The following LDB2 variants were observed in gnomAD, a reference collection of about 807,000 sequenced individuals.
The protein encoded by LDB2 is LIM domain-binding protein 2.
Under a neutral mutation model 44.3 loss-of-function variants are expected in LDB2, and 12 were observed. That is an observed-to-expected ratio of 0.27 (90% CI 0.17 to 0.44). LDB2 has a LOEUF of 0.44. LDB2 is among the 20% of genes least tolerant of loss of function. LDB2 has a pLI of 1.00. For synonymous variants in LDB2, 164 were observed against 174.8 expected (o/e 0.94, Z 0.49); for missense variants, 344 against 473.5 (o/e 0.73, Z 2.54).
intron 2 of LDB2, among the ~76,000 whole-genome samples, chr4:16,601,642 A>T (rs572667948): frequency 8.5e-4 from 129 of 152,310 alleles, no homozygotes; most frequent in Non-Finnish European, 1.4e-3. Context: ...TTATCTAAAC[A>T]TGAAAATAGA....
intron 2 of LDB2, among the ~76,000 whole-genome samples, chr4:16,680,617 A>G (rs1277461715): frequency 1.3e-5 from 2 of 152,234 alleles, no homozygotes; most frequent in Non-Finnish European, 2.9e-5. Flanking sequence ...GCTAAGTGGC[A>G]TGCCCAGTGC....
chr4:16,729,017 T>C (rs891126659), intron 2 of LDB2, among the ~76,000 whole-genome samples: 3 of 152,212 alleles, frequency 2.0e-5, no homozygotes, highest in African/African-American at 7.2e-5. Flanking sequence ...GGTATAGATC[T>C]ATGGTCTGCT....
chr4:16,831,537 T>C (rs1784082676), intron 1 of LDB2, among the ~76,000 whole-genome samples: 6 of 152,064 alleles, frequency 3.9e-5, no homozygotes, highest in Non-Finnish European at 1.5e-5. Context: ...AAGAAGGCAG[T>C]GGTAGTGATG....
At chr4:16,679,113 C>T (rs7661729) in intron 2 of LDB2, among the ~76,000 whole-genome samples, 82,149 of 152,046 alleles carry the variant, frequency 0.54, 22,415 homozygotes, top group South Asian at 0.67. Flanking sequence ...GTAATATAAA[C>T]GGTGCAAATG....
intron 5 of LDB2, among the ~76,000 whole-genome samples, chr4:16,558,125 G>GCAGAAAAAC (rs1740478790): frequency 1.3e-5 from 2 of 152,094 alleles, no homozygotes; most frequent in Admixed American, 1.3e-4. Context: ...AAAAAACAGA[G>GCAGAAAAAC]CAGAAAAACT....
At chr4:16,729,240 C>T (rs1354168469) in intron 2 of LDB2, among the ~76,000 whole-genome samples, 1 of 152,234 alleles carries the variant, frequency 6.6e-6, no homozygotes, top group Admixed American at 6.5e-5. Flanking sequence ...CCAGCCCTTT[C>T]TCCTCATGCT....
At chr4:16,514,337 A>G (rs750611344) in intron 5 of LDB2, among the ~76,000 whole-genome samples, 1 of 152,192 alleles carries the variant, frequency 6.6e-6, no homozygotes, top group Admixed American at 6.5e-5. Context: ...TTGTATCCCT[A>G]TGCCCTCACA....
intron 1 of LDB2, among the ~76,000 whole-genome samples, chr4:16,883,820 G>A (rs932998987): frequency 2.0e-5 from 3 of 152,146 alleles, no homozygotes; most frequent in African/African-American, 4.8e-5. Context: ...AACGATTCAT[G>A]GCCCACATTG....
intron 1 of LDB2, among the ~76,000 whole-genome samples, chr4:16,874,152 A>T (rs1717649309): frequency 6.6e-6 from 1 of 152,088 alleles, no homozygotes. Flanking sequence ...CAAACCAAAA[A>T]CTCGTGGAAA....
At chr4:16,648,455 C>T (rs761145776) in intron 2 of LDB2, among the ~76,000 whole-genome samples, 5 of 152,242 alleles carry the variant, frequency 3.3e-5, no homozygotes, top group Non-Finnish European at 7.3e-5. Context: ...CCCTACCTGT[C>T]TCATTTTCTC....
At chr4:16,539,089 A>T (rs1223692304) in intron 5 of LDB2, among the ~76,000 whole-genome samples, 1 of 135,862 alleles carries the variant, frequency 7.4e-6, no homozygotes, top group Non-Finnish European at 1.7e-5. Context: ...TATGTAGGCA[A>T]AGTTTCACAC....
Position 16,606,219 on chromosome 4 carries a change from T to C in LDB2, c.236-10344A>G, listed in dbSNP as rs543153850. 1.2e-3 allele frequency among the ~76,000 whole-genome samples: 190 copies of C among 152,340 alleles called. 1 individual carries two copies. Among genetic ancestry groups the C allele is most frequent in the African/African-American group, 4.4e-3 (184 of 41,586 alleles). ...AATAATACGCTTTCAGCTTTAAATA[T>C]GTTAGTGTACATAAGAAGACTCATT... On this transcript the variant is annotated intron_variant, in intron 2 of 7. Transcript: ENST00000304523.
At chr4:16,837,893 C>T (rs1315617108) in intron 1 of LDB2, among the ~76,000 whole-genome samples, 1 of 152,222 alleles carries the variant, frequency 6.6e-6, no homozygotes, top group Non-Finnish European at 1.5e-5. Flanking sequence ...ACTTAGCATG[C>T]TAGCTCACAC....
intron 2 of LDB2, among the ~76,000 whole-genome samples, chr4:16,599,955 C>A (rs1266012681): frequency 1.3e-5 from 2 of 152,186 alleles, no homozygotes; most frequent in Non-Finnish European, 2.9e-5. Flanking sequence ...GTATCTATAA[C>A]ATGATGTGAT....
At chr4:16,641,325 T>C (rs1484806695) in intron 2 of LDB2, among the ~76,000 whole-genome samples, 1 of 152,064 alleles carries the variant, frequency 6.6e-6, no homozygotes, top group Admixed American at 6.5e-5. Context: ...GCATGTTCAA[T>C]GAGAAAGAAA....
At chr4:16,856,640 G>A (rs573831865) in intron 1 of LDB2, among the ~76,000 whole-genome samples, 15 of 152,278 alleles carry the variant, frequency 9.9e-5, no homozygotes, top group African/African-American at 3.6e-4. Context: ...AAATGTGTAT[G>A]TTCTGTAACT....
chr4:16,600,963 C>T (rs1399343597), intron 2 of LDB2, among the ~76,000 whole-genome samples: 1 of 152,016 alleles, frequency 6.6e-6, no homozygotes, highest in African/African-American at 2.4e-5. Flanking sequence ...AGCATTTTAT[C>T]TCTTTTAGTA....
At chr4:16,897,184 T>C (rs1004591223) in intron 1 of LDB2, among the ~76,000 whole-genome samples, 1 of 152,216 alleles carries the variant, frequency 6.6e-6, no homozygotes, top group Non-Finnish European at 1.5e-5. Context: ...AACTGTGTTT[T>C]ATCCCATAGC....
At chr4:16,716,489 C>T (rs963051113) in intron 2 of LDB2, among the ~76,000 whole-genome samples, 4 of 152,118 alleles carry the variant, frequency 2.6e-5, no homozygotes, top group Admixed American at 6.6e-5. Context: ...GTGGGATTTG[C>T]GACACCTGAA....
Sources: gnomAD v4.1 joint callset for allele counts (sites outside exome capture counted in the v4.1 genomes callset) on GRCh38, gnomAD v4.1.1 for gene constraint, MANE v1.5 for transcripts, NCBI Gene and HGNC (gene_info 2026-07-23, HGNC 2026-07-21) for gene names.